P2RY6: variants seen among roughly 807,000 people sequenced by gnomAD.
The protein encoded by P2RY6 is pyrimidinergic receptor P2Y6.
Under a neutral mutation model 16.3 loss-of-function variants are expected in P2RY6, and 19 were observed. The ratio of observed to expected loss-of-function variants is 1.16; its 90% CI spans 0.81 to 1.71. The LOEUF is 1.71. P2RY6 is among the 40% of genes most tolerant of loss of function. The probability of loss-of-function intolerance (pLI) is 0.00; values close to 1 mark genes in which losing one functional copy is unlikely to be tolerated. For missense variants in P2RY6, 389 were observed against 455.5 expected, an observed-to-expected ratio of 0.85 and a Z score of 1.33; for synonymous variants, 184 against 201.5, an observed-to-expected ratio of 0.91 and a Z score of 0.74.
Position 73,296,527 on chromosome 11 carries a change from G to C in P2RY6, c.9G>C (p.Trp3Cys). The change falls in exon 3 of 3, where the codon TGG (tryptophan) becomes TGC (cysteine). Residue 3 changes from tryptophan (W) to cysteine (C), a missense_variant. Coordinates refer to ENST00000540124, the MANE Select transcript of P2RY6 (RefSeq NM_001277204.2). Reference sequence around the variant, plus strand: ...AACCCACCTGGGCAGCCATGGAATGGGACAATGGCACAGGCCAGGCTCTGG... The same window carrying C: ...AACCCACCTGGGCAGCCATGGAATGCGACAATGGCACAGGCCAGGCTCTGG... Reference protein sequence around the residue: MEWDNGTGQALGL... With the variant: MECDNGTGQALGL... 1 of 1,613,470 alleles carries C rather than the reference G, an allele frequency of 6.2e-7. No homozygotes were observed. The highest frequency in any genetic ancestry group is 1.1e-5 in the South Asian group (1 of 91,068).
upstream of P2RY6, among the ~76,000 whole-genome samples, chr11:73,268,133 C>G (rs536973001): frequency 2.0e-5 from 3 of 152,372 alleles, no homozygotes; most frequent in South Asian, 6.2e-4. Context: ...TTATGTGGAG[C>G]TGTTTCCGGG....
intron 1 of P2RY6, among the ~76,000 whole-genome samples, chr11:73,285,802 C>G (rs1449188914): frequency 6.6e-6 from 1 of 152,206 alleles, no homozygotes; most frequent in African/African-American, 2.4e-5. Flanking sequence ...ACCACTAGGT[C>G]TCCTGGGACC....
At chr11:73,282,679 T>C (rs1863812358) in intron 1 of P2RY6, among the ~76,000 whole-genome samples, 1 of 152,138 alleles carries the variant, frequency 6.6e-6, no homozygotes, top group Admixed American at 6.5e-5. Context: ...TTTCCACTAA[T>C]GGGAGCTCCT....
At position 73,272,467 on chromosome 11, in the gene P2RY6, G is replaced by C. The variant is rs906436253; in HGVS notation, c.-121+1G>C. ...AAGCGAGGCACTTGCTAACTCTTGGGTGAGTTTTCTGGGTCCATGCCTGGA... is the reference window on the plus strand; with the variant it reads ...AAGCGAGGCACTTGCTAACTCTTGGCTGAGTTTTCTGGGTCCATGCCTGGA... On this transcript the variant is annotated splice_donor_variant, in intron 1 of 2. Transcript: ENST00000540124. LOFTEE classifies it low-confidence loss of function (5UTR_SPLICE). The C allele has an allele frequency of 3.2e-5, 32 of 985,432 alleles. No individual in the cohort carries two copies. The highest frequency in any genetic ancestry group is 2.8e-5 in the Non-Finnish European group (23 of 830,000). The allele number at this position is 985,432 out of a possible 1,614,324, so 61.0% of individuals were successfully genotyped here. A position where few individuals can be genotyped will look rare whatever the true frequency, so the allele number is the denominator to read the frequency against.
Position 73,296,550 on chromosome 11 carries a change from T to C in P2RY6, c.32T>C (p.Leu11Pro). The C allele has an allele frequency of 6.2e-7, 1 of 1,614,178 alleles. No homozygotes were observed. Among genetic ancestry groups the C allele is most frequent in the Non-Finnish European group, 8.5e-7 (1 of 1,180,006 alleles). The stretch of plus-strand genomic sequence containing the variant: ...TGGGACAATGGCACAGGCCAGGCTC[T>C]GGGCTTGCCACCCACCACCTGTGTC... Reference protein sequence around the residue: MEWDNGTGQALGLPPTTCVYR... With the variant: MEWDNGTGQAPGLPPTTCVYR... The change falls in exon 3 of 3, where the codon CTG becomes CCG. Residue 11 changes from leucine (L) to proline (P), a missense_variant. Transcript: ENST00000540124.
At chr11:73,288,005 G>A (rs1400657372) in intron 1 of P2RY6, among the ~76,000 whole-genome samples, 1 of 152,184 alleles carries the variant, frequency 6.6e-6, no homozygotes, top group Admixed American at 6.5e-5. Context: ...TCTCAGCCCT[G>A]TGCCCACCGG....
chr11:73,284,325 C>G (rs1435466637), intron 1 of P2RY6, among the ~76,000 whole-genome samples: 1 of 152,102 alleles, frequency 6.6e-6, no homozygotes, highest in Non-Finnish European at 1.5e-5. Flanking sequence ...TCATGGGAAT[C>G]CTGGGTCCTG....
intron 1 of P2RY6, among the ~76,000 whole-genome samples, chr11:73,286,454 G>A (rs1177536918): frequency 6.6e-6 from 1 of 151,954 alleles, no homozygotes; most frequent in African/African-American, 2.4e-5. Flanking sequence ...CGGGGTTAGT[G>A]GTCTGCCTTT....
Position 73,297,439 on chromosome 11 carries a change from G to A in P2RY6, c.921G>A (p.Lys307=). ...TCCTCTTCTACTTCACCCAGAAGAA[G>A]TTCCGCCGGCGACCACATGAGCTCC... ...DPILFYFTQK[K]FRRRPHELLQ... The change falls in exon 3 of 3, where the codon AAG becomes AAA. Residue 307 remains lysine, a synonymous_variant. Transcript: ENST00000540124. 1 of 1,612,612 alleles carries A rather than the reference G, an allele frequency of 6.2e-7. No homozygotes were observed. Among genetic ancestry groups the A allele is most frequent in the Non-Finnish European group, 8.5e-7 (1 of 1,179,896 alleles).
chr11:73,292,976 GGGGGGGAGGTGGA>G, intron 1 of P2RY6: 1 of 158,582 alleles, frequency 6.3e-6, no homozygotes, highest in Non-Finnish European at 1.3e-5. Flanking sequence ...CGGGGGGTGG[GGGGGGGAGGTGGA>G]CACAAGGAAC....
At chr11:73,270,912 T>C (rs984722403), upstream of P2RY6, among the ~76,000 whole-genome samples, 6 of 152,100 alleles carry the variant, frequency 3.9e-5, no homozygotes, top group African/African-American at 1.4e-4. Flanking sequence ...GCCCCCTAGC[T>C]CTCCGCCCCT....
intron 1 of P2RY6, among the ~76,000 whole-genome samples, chr11:73,280,117 G>A (rs1446965200): frequency 1.3e-5 from 2 of 152,168 alleles, no homozygotes; most frequent in Non-Finnish European, 2.9e-5. Flanking sequence ...GGATTTCCCT[G>A]CCACCTGAAA....
At position 73,272,484 on chromosome 11, in the gene P2RY6, A is replaced by G. The variant is rs1404549116; in HGVS notation, c.-121+18A>G. On this transcript the variant is annotated intron_variant, in intron 1 of 2. Transcript: ENST00000540124. ...ACTCTTGGGTGAGTTTTCTGGGTCC[A>G]TGCCTGGAAGGGCTTGCGCCCCTCA... The G allele has an allele frequency of 1.0e-6, 1 of 985,518 alleles. No individual in the cohort carries two copies. Among genetic ancestry groups the G allele is most frequent in the African/African-American group, 1.7e-5 (1 of 57,376 alleles). The allele number at this position is 985,518 out of a possible 1,614,324, so 61.0% of individuals were successfully genotyped here.
At chr11:73,292,219 TGGG>T (rs1337740123) in intron 1 of P2RY6, among the ~76,000 whole-genome samples, 2 of 152,110 alleles carry the variant, frequency 1.3e-5, no homozygotes, top group Non-Finnish European at 2.9e-5. Flanking sequence ...CGCTGTGAAA[TGGG>T]GGAATGTGGG....
intron 1 of P2RY6, among the ~76,000 whole-genome samples, chr11:73,273,109 A>G (rs983463165): frequency 6.7e-6 from 1 of 149,612 alleles, no homozygotes; most frequent in South Asian, 2.1e-4. Context: ...AAAAAAAAAA[A>G]GTCCCTGAGT....
rs1188058048 is a variant in P2RY6 at position 73,297,410 on chromosome 11, C to A, written c.892C>A (p.Pro298Thr). 1.9e-6 allele frequency: 3 copies of A among 1,612,494 alleles called. No homozygotes were observed. In the South Asian group the frequency reaches 3.3e-5, roughly 18 times the overall value. Residue 298 changes from proline to threonine, a missense_variant, in exon 3 of 3, where the codon CCC becomes ACC. Coordinates refer to ENST00000540124, the MANE Select transcript of P2RY6 (RefSeq NM_001277204.2). ...TGCCAGTGCCAACAGCGTGCTGGAC[C>A]CCATCCTCTTCTACTTCACCCAGAA... The part of the protein sequence containing the change: ...PFASANSVLD[P>T]ILFYFTQKKF...
Position 73,297,514 on chromosome 11 carries a change from G to C in P2RY6, c.*9G>C, listed in dbSNP as rs756297541. 6.3e-7 allele frequency: 1 copy of C among 1,595,870 alleles called. No individual in the cohort carries two copies. The highest frequency in any genetic ancestry group is 1.7e-5 in the Admixed American group (1 of 59,264). ...AGAGGCAGGGTCGCTGAGTCCTCCA[G>C]GTCCTGGGCAGCCTTCATATTTGCC... On this transcript the variant is annotated 3_prime_UTR_variant, in exon 3 of 3. Coordinates refer to ENST00000540124, the MANE Select transcript of P2RY6 (RefSeq NM_001277204.2).
At chr11:73,276,372 G>A (rs1250330069) in intron 1 of P2RY6, among the ~76,000 whole-genome samples, 1 of 152,120 alleles carries the variant, frequency 6.6e-6, no homozygotes, top group Admixed American at 6.6e-5. Flanking sequence ...CCATTCAAAG[G>A]TGTATACGCA....
At chr11:73,285,174 G>A (rs1017889884) in intron 1 of P2RY6, among the ~76,000 whole-genome samples, 3 of 152,198 alleles carry the variant, frequency 2.0e-5, no homozygotes, top group African/African-American at 7.2e-5. Flanking sequence ...AGGCTCAAGC[G>A]ATTTTCCCAC....
Sources: gnomAD v4.1 joint callset for allele counts (sites outside exome capture counted in the v4.1 genomes callset) on GRCh38, gnomAD v4.1.1 for gene constraint, MANE v1.5 for transcripts, NCBI Gene and HGNC (gene_info 2026-07-23, HGNC 2026-07-21) for gene names.